The following TAB2 variants were observed in gnomAD, a reference collection of about 807,000 sequenced individuals.
TAB2 encodes the protein TGF-beta-activated kinase 1 and MAP3K7-binding protein 2.
In TAB2, 3 loss-of-function variants were observed where a neutral mutation model predicts 65.0. The ratio of observed to expected loss-of-function variants is 0.05; its 90% confidence interval spans 0.02 to 0.12. TAB2 has a LOEUF of 0.12. Among genes scored for constraint, TAB2 ranks in the 10% least tolerant of loss-of-function variants. The probability of loss-of-function intolerance (pLI) is 1.00; values close to 1 mark genes in which losing one functional copy is unlikely to be tolerated. For synonymous variants in TAB2, 298 were observed against 285.1 expected (o/e 1.05, Z -0.46); for missense variants, 623 against 840.3 (o/e 0.74, Z 3.20).
intron 1 of TAB2, among the ~76,000 whole-genome samples, chr6:149,242,881 G>T (rs1263252255): frequency 4.6e-5 from 7 of 152,142 alleles, no homozygotes; most frequent in African/African-American, 1.7e-4. Context: ...CTTCCCTGCT[G>T]GGAAATGACA....
chr6:149,304,894 A>G (rs549709548), intron 1 of TAB2, among the ~76,000 whole-genome samples: 1 of 152,216 alleles, frequency 6.6e-6, no homozygotes, highest in East Asian at 1.9e-4. Flanking sequence ...TTCATATCAC[A>G]CACATCTTCT....
intron 1 of TAB2, among the ~76,000 whole-genome samples, chr6:149,248,287 G>A (rs1420548107): frequency 6.6e-6 from 1 of 152,152 alleles, no homozygotes; most frequent in Non-Finnish European, 1.5e-5. Flanking sequence ...AACTACTTGG[G>A]AGGCTGAGGC....
chr6:149,292,602 G>A lies in TAB2; in HGVS notation c.-121+73826G>A, dbSNP rs576970849. ...TATTTTTGAAAAAACACTGAACTAT[G>A]CTGTTGACAGGATTCAAATAGGTAA... On this transcript the variant is annotated intron_variant, in intron 1 of 1. Transcript: ENST00000606202. Among the ~76,000 whole-genome samples, 3 of 151,932 alleles carry A rather than the reference G, an allele frequency of 2.0e-5. No individual in the cohort carries two copies. In the South Asian group the frequency reaches 6.3e-4, roughly 32 times the overall value.
chr6:149,404,901 A>G (rs896650757), intron 6 of TAB2, among the ~76,000 whole-genome samples: 1 of 152,252 alleles, frequency 6.6e-6, no homozygotes, highest in Non-Finnish European at 1.5e-5. Flanking sequence ...AACAAAAGCA[A>G]AAATGGGCAA....
At chr6:149,358,409 C>G (rs1780739013) in intron 1 of TAB2, among the ~76,000 whole-genome samples, 1 of 152,134 alleles carries the variant, frequency 6.6e-6, no homozygotes, top group East Asian at 1.9e-4. Flanking sequence ...CAAAAAGTTT[C>G]CAGTTTTCGA....
chr6:149,294,427 A>G (rs1778838590), intron 1 of TAB2, among the ~76,000 whole-genome samples: 1 of 152,210 alleles, frequency 6.6e-6, no homozygotes, highest in South Asian at 2.1e-4. Flanking sequence ...ACTTCTTTGA[A>G]AAGACCGTAT....
intron 1 of TAB2, among the ~76,000 whole-genome samples, chr6:149,359,403 C>CG (rs1780773036): frequency 6.6e-6 from 1 of 152,122 alleles, no homozygotes; most frequent in African/African-American, 2.4e-5. Context: ...GTGCATGGTG[C>CG]GGGCTCGTGT....
intron 1 of TAB2, among the ~76,000 whole-genome samples, chr6:149,299,365 A>G (rs1050660620): frequency 1.3e-5 from 2 of 152,150 alleles, no homozygotes; most frequent in Non-Finnish European, 2.9e-5. Flanking sequence ...TGAGGCTGGG[A>G]GATCAAAACC....
At chr6:149,352,885 A>AGG (rs1780536062) in intron 1 of TAB2, among the ~76,000 whole-genome samples, 1 of 152,236 alleles carries the variant, frequency 6.6e-6, no homozygotes, top group Non-Finnish European at 1.5e-5. Flanking sequence ...ATGCTGATTT[A>AGG]GGAAACACAC....
At chr6:149,265,741 G>T (rs541350500) in intron 1 of TAB2, among the ~76,000 whole-genome samples, 1 of 152,154 alleles carries the variant, frequency 6.6e-6, no homozygotes, top group Non-Finnish European at 1.5e-5. Context: ...CAAGCCCCAC[G>T]CGCGAGCCTG....
At chr6:149,394,215 G>A (rs531486603) in intron 3 of TAB2, among the ~76,000 whole-genome samples, 1 of 151,662 alleles carries the variant, frequency 6.6e-6, no homozygotes, top group South Asian at 2.1e-4. Context: ...TCTGTCCAAG[G>A]AATTCTTTAT....
intron 3 of TAB2, among the ~76,000 whole-genome samples, chr6:149,384,599 A>G (rs1781726267): frequency 6.6e-6 from 1 of 152,236 alleles, no homozygotes; most frequent in Non-Finnish European, 1.5e-5. Context: ...ATTAAGAACA[A>G]ATACAGAAGT....
intron 1 of TAB2, among the ~76,000 whole-genome samples, chr6:149,254,010 G>GAAAGAAAGAAAGAA (rs1777933659): frequency 7.3e-6 from 1 of 137,166 alleles, no homozygotes; most frequent in Admixed American, 7.5e-5. Context: ...AAGAAAGAAA[G>GAAAGAAAGAAAGAA]AAAGAAAGAA....
chr6:149,277,229 G>A (rs1778492710), intron 1 of TAB2, among the ~76,000 whole-genome samples: 1 of 152,106 alleles, frequency 6.6e-6, no homozygotes, highest in Non-Finnish European at 1.5e-5. Flanking sequence ...AATAACATTA[G>A]TATAAGTTTA....
At chr6:149,321,818 T>A (rs1779464241) in intron 1 of TAB2, among the ~76,000 whole-genome samples, 1 of 152,208 alleles carries the variant, frequency 6.6e-6, no homozygotes, top group Non-Finnish European at 1.5e-5. Flanking sequence ...AAAAGATGTC[T>A]ATGAAAATTG....
rs573295701 is a variant in TAB2 at position 149,400,232 on chromosome 6, G to A, written c.1939+1048G>A. Reference sequence around the variant, plus strand: ...GGAGGCCCCAACAGCTCGTGCTGGCGCACACAGCGGGAGGGGAGGGAGCCC... The same window carrying A: ...GGAGGCCCCAACAGCTCGTGCTGGCACACACAGCGGGAGGGGAGGGAGCCC... On this transcript the variant is annotated intron_variant, in intron 6 of 6. Coordinates refer to ENST00000637181, the MANE Select transcript of TAB2 (RefSeq NM_001292034.3). 122 of 741,548 alleles carry A rather than the reference G, an allele frequency of 1.6e-4. 1 individual carries two copies. In the South Asian group the frequency reaches 2.1e-3, roughly 13 times the overall value. 45.9% of individuals were successfully genotyped at this position (741,548 alleles called of 1,614,324 possible).
intron 1 of TAB2, among the ~76,000 whole-genome samples, chr6:149,281,555 CA>C (rs59196897): frequency 0.012 from 861 of 70,230 alleles, 26 homozygotes; most frequent in Non-Finnish European, 0.017. Context: ...GATGCCATCT[CA>C]AAAAAAAAAA....
chr6:149,223,573 C>G (rs1427038893), intron 1 of TAB2, among the ~76,000 whole-genome samples: 1 of 152,160 alleles, frequency 6.6e-6, no homozygotes, highest in East Asian at 1.9e-4. Context: ...AATGACAATT[C>G]TCTCAACTCC....
At chr6:149,262,018 CA>C (rs2114667948) in intron 1 of TAB2, among the ~76,000 whole-genome samples, 1 of 152,298 alleles carries the variant, frequency 6.6e-6, no homozygotes, top group East Asian at 1.9e-4. Context: ...TCAAGCTCAG[CA>C]AAATCCCTAC....
Sources: allele counts gnomAD v4.1 joint callset (sites outside exome capture counted in the v4.1 genomes callset), GRCh38; gene constraint gnomAD v4.1.1; transcripts MANE v1.5; gene names NCBI Gene and HGNC (gene_info 2026-07-23, HGNC 2026-07-21).